ASIC2: variants seen among roughly 807,000 people sequenced by gnomAD.
ASIC2 encodes the protein acid sensing ion channel subunit 2, also known as acid-sensing ion channel 2.
Under a neutral mutation model 57.3 loss-of-function variants are expected in ASIC2, and 25 were observed. That is an observed-to-expected ratio of 0.44 (90% CI 0.32 to 0.61). The LOEUF (loss-of-function observed/expected upper bound fraction) is 0.61, where lower values mean the gene tolerates loss of function less well. Ranked by LOEUF, ASIC2 falls within the 20% of genes least tolerant of loss-of-function variation. The pLI is 0.06. For synonymous variants in ASIC2, 319 were observed against 307.5 expected, an observed-to-expected ratio of 1.04 and a Z score of -0.39; for missense variants, 641 against 738.1, an observed-to-expected ratio of 0.87 and a Z score of 1.52.
intron 1 of ASIC2, among the ~76,000 whole-genome samples, chr17:33,479,866 C>T (rs994299661): frequency 6.6e-6 from 1 of 152,174 alleles, no homozygotes; most frequent in Admixed American, 6.5e-5. Flanking sequence ...AAACTGTGTG[C>T]TCCCGGAACC....
At chr17:33,397,443 A>G (rs1180719259) in intron 1 of ASIC2, among the ~76,000 whole-genome samples, 2 of 152,206 alleles carry the variant, frequency 1.3e-5, no homozygotes, top group Admixed American at 1.3e-4. Context: ...GGGACCTTAC[A>G]TGCAGCAGGT....
intron 1 of ASIC2, among the ~76,000 whole-genome samples, chr17:33,898,950 C>A (rs1915169838): frequency 6.6e-6 from 1 of 152,170 alleles, no homozygotes; most frequent in South Asian, 2.1e-4. Context: ...ATTAACTCAA[C>A]TTACCCCTTC....
intron 1 of ASIC2, among the ~76,000 whole-genome samples, chr17:33,943,186 C>T (rs555421679): frequency 6.6e-6 from 1 of 152,244 alleles, no homozygotes; most frequent in East Asian, 1.9e-4. Context: ...TTATCCAGTA[C>T]AGTAAAAATA....
At chr17:33,402,596 G>A (rs1168774975) in intron 1 of ASIC2, among the ~76,000 whole-genome samples, 1 of 152,126 alleles carries the variant, frequency 6.6e-6, no homozygotes, top group African/African-American at 2.4e-5. Context: ...CTTCATCCAT[G>A]TCCCTGAAAA....
intron 1 of ASIC2, among the ~76,000 whole-genome samples, chr17:33,332,111 C>T (rs565226023): frequency 2.6e-5 from 4 of 152,190 alleles, no homozygotes; most frequent in African/African-American, 9.6e-5. Context: ...AATGATGATG[C>T]CTAGTTGACC....
intron 1 of ASIC2, among the ~76,000 whole-genome samples, chr17:33,902,140 C>G (rs947326423): frequency 2.0e-5 from 3 of 152,030 alleles, no homozygotes; most frequent in African/African-American, 7.2e-5. Flanking sequence ...GAGGTGAGAT[C>G]CTGGGAGAGG....
chr17:33,023,158 C>T (rs992429010), intron 6 of ASIC2, among the ~76,000 whole-genome samples: 19 of 152,052 alleles, frequency 1.2e-4, no homozygotes, highest in Admixed American at 8.5e-4. Flanking sequence ...GGGAATAGAA[C>T]GTGCAAGGTC....
chr17:33,912,523 G>A (rs957908253), intron 1 of ASIC2, among the ~76,000 whole-genome samples: 1 of 151,886 alleles, frequency 6.6e-6, no homozygotes, highest in Non-Finnish European at 1.5e-5. Context: ...AATAAAAATA[G>A]TAAATCTTTA....
At chr17:33,953,571 A>G (rs1037823535) in intron 1 of ASIC2, among the ~76,000 whole-genome samples, 1 of 152,090 alleles carries the variant, frequency 6.6e-6, no homozygotes, top group African/African-American at 2.4e-5. Context: ...TGTAGTTAAA[A>G]AAAAAATCAT....
chr17:34,131,384 C>A (rs1011976240), intron 1 of ASIC2, among the ~76,000 whole-genome samples: 10 of 152,042 alleles, frequency 6.6e-5, no homozygotes, highest in Non-Finnish European at 1.5e-4. Context: ...AAACTGCCAG[C>A]CCCCCAAGCT....
intron 1 of ASIC2, among the ~76,000 whole-genome samples, chr17:34,018,526 T>C (rs1488719674): frequency 1.3e-5 from 2 of 152,220 alleles, no homozygotes; most frequent in Admixed American, 6.5e-5. Context: ...CCACAGATAG[T>C]GATTAGTGAT....
intron 1 of ASIC2, among the ~76,000 whole-genome samples, chr17:34,115,858 T>C (rs1265951107): frequency 6.6e-6 from 1 of 152,218 alleles, no homozygotes; most frequent in Non-Finnish European, 1.5e-5. Flanking sequence ...CAAGAGTACA[T>C]ATAACTACAT....
intron 2 of ASIC2, among the ~76,000 whole-genome samples, chr17:33,101,981 C>G (rs2092213779): frequency 6.6e-6 from 1 of 152,080 alleles, no homozygotes; most frequent in South Asian, 2.1e-4. Flanking sequence ...GACAGCCAGA[C>G]AGACCCACAA....
chr17:33,660,928 C>G (rs914434290), intron 1 of ASIC2, among the ~76,000 whole-genome samples: 4 of 152,238 alleles, frequency 2.6e-5, no homozygotes, highest in Non-Finnish European at 5.9e-5. Flanking sequence ...CAAGCCCACC[C>G]CACCTTACAC....
intron 3 of ASIC2, among the ~76,000 whole-genome samples, chr17:33,068,163 A>C (rs973196560): frequency 1.3e-5 from 2 of 152,124 alleles, no homozygotes; most frequent in Non-Finnish European, 2.9e-5. Flanking sequence ...GAAGGGTGGA[A>C]TTATCAGAGG....
chr17:33,111,931 A>G lies in ASIC2; in HGVS notation c.845T>C (p.Ile282Thr). 1 of 1,612,706 alleles carries G rather than the reference A, an allele frequency of 6.2e-7. No individual in the cohort carries two copies. The highest frequency in any genetic ancestry group is 8.5e-7 in the Non-Finnish European group (1 of 1,179,378). The change falls in exon 2 of 10, where the codon ATC (isoleucine) becomes ACC (threonine). Residue 282 changes from isoleucine to threonine, a missense_variant. Ile to Thr is a moderately conservative substitution (Grantham distance 89, BLOSUM62 -1). Transcript: ENST00000225823. ...GCCCAGCTCACCTGTCTCTCCCCAG[A>G]TGGGCAGGTACTCATCCTGCTGAAT... ...LDIQQDEYLP[I>T]WGETEETTFE...
At position 34,100,751 on chromosome 17, in the gene ASIC2, A is replaced by C. The variant is rs1368485961; in HGVS notation, c.555+55227T>G. 1.1e-4 allele frequency among the ~76,000 whole-genome samples: 16 copies of C among 152,050 alleles called. 1 individual carries two copies. The highest frequency in any genetic ancestry group is 1.0e-3 in the Admixed American group (16 of 15,272). On this transcript the variant is annotated intron_variant, in intron 1 of 9. Coordinates refer to the ASIC2 transcript ENST00000359872. The stretch of plus-strand genomic sequence containing the variant: ...CTTCAACTTGAAATCTCTTCCCTTT[A>C]AGTGAATTCTGCTGGGCTTTCTTCT...
intron 1 of ASIC2, among the ~76,000 whole-genome samples, chr17:33,694,467 CT>C (rs1908467921): frequency 6.6e-6 from 1 of 152,310 alleles, no homozygotes; most frequent in South Asian, 2.1e-4. Context: ...TTAATACTTT[CT>C]TGCCTCAGTG....
chr17:33,272,200 T>A (rs1363314757), intron 1 of ASIC2, among the ~76,000 whole-genome samples: 3 of 152,234 alleles, frequency 2.0e-5, no homozygotes, highest in Non-Finnish European at 4.4e-5. Flanking sequence ...TTTCTGTCTA[T>A]CCTATCATCC....
Sources: gnomAD v4.1 joint callset for allele counts (sites outside exome capture counted in the v4.1 genomes callset) on GRCh38, gnomAD v4.1.1 for gene constraint, MANE v1.5 for transcripts, NCBI Gene and HGNC (gene_info 2026-07-23, HGNC 2026-07-21) for gene names.